NLGN4Y: variants seen among roughly 807,000 people sequenced by gnomAD.
NLGN4Y encodes neuroligin 4 Y-linked.
Under a neutral mutation model 8.4 loss-of-function variants are expected in NLGN4Y, and 4 were observed. That is an observed-to-expected ratio of 0.48 (90% confidence interval 0.23 to 1.09). The LOEUF (loss-of-function observed/expected upper bound fraction) is 1.09. NLGN4Y is among the 50% of genes least tolerant of loss of function. The probability of loss-of-function intolerance (pLI) is 0.19; values close to 1 mark genes in which losing one functional copy is unlikely to be tolerated. For missense variants in NLGN4Y, 90 were observed against 192.3 expected (o/e 0.47, Z 3.15); for synonymous variants, 35 against 75.6 (o/e 0.46, Z 2.78).
At chrY:14,795,659 G>A (rs2043004285) in intron 4 of NLGN4Y, among the ~76,000 whole-genome samples, 1 of 33,416 alleles carries the variant, frequency 3.0e-5, no homozygotes, top group African/African-American at 1.2e-4. Context: ...TGTCTTTGAT[G>A]TAGTTAAAAA....
chrY:14,687,225 AG>A (rs2080794185), intron 2 of NLGN4Y, among the ~76,000 whole-genome samples: 1 of 32,957 alleles, frequency 3.0e-5, no homozygotes, highest in Non-Finnish European at 7.5e-5. Context: ...CAATGAAAAC[AG>A]AATGTGGCAG....
chrY:14,787,560 C>A, intron 4 of NLGN4Y, among the ~76,000 whole-genome samples: 1 of 33,013 alleles, frequency 3.0e-5, no homozygotes, highest in Non-Finnish European at 7.4e-5. Flanking sequence ...GTTAGGGAAG[C>A]CTGCTACTCC....
intron 2 of NLGN4Y, among the ~76,000 whole-genome samples, chrY:14,694,173 A>G: frequency 5.9e-5 from 2 of 33,871 alleles, no homozygotes; most frequent in Admixed American, 2.7e-4. Context: ...TGCAACATAC[A>G]TGATGATGCA....
At chrY:14,530,932 A>G in intron 1 of NLGN4Y, among the ~76,000 whole-genome samples, 2 of 35,017 alleles carry the variant, frequency 5.7e-5, no homozygotes, top group East Asian at 1.5e-3. Context: ...TTTGAACTCA[A>G]ATTTAATGTG....
At chrY:14,614,537 C>G in intron 1 of NLGN4Y, among the ~76,000 whole-genome samples, 1 of 32,932 alleles carries the variant, frequency 3.0e-5, no homozygotes, top group Non-Finnish European at 7.5e-5. Flanking sequence ...ATGGCATTGT[C>G]TAGGATTCTT....
intron 1 of NLGN4Y, among the ~76,000 whole-genome samples, chrY:14,550,747 T>C (rs2080190042): frequency 5.8e-5 from 2 of 34,309 alleles, no homozygotes; most frequent in Non-Finnish European, 1.5e-4. Flanking sequence ...AAAGATCCAC[T>C]GTTAGTCTGA....
intron 1 of NLGN4Y, among the ~76,000 whole-genome samples, chrY:14,614,826 G>A (rs749601109): frequency 3.0e-4 from 10 of 33,205 alleles, no homozygotes; most frequent in African/African-American, 9.4e-4. Flanking sequence ...TGCCATTTTG[G>A]TTACTGTAGG....
At chrY:14,727,663 T>C in intron 4 of NLGN4Y, among the ~76,000 whole-genome samples, 8 of 33,176 alleles carry the variant, frequency 2.4e-4, no homozygotes, top group Admixed American at 2.2e-3. Context: ...CAAATCACCA[T>C]AGAACCTAAA....
intron 1 of NLGN4Y, among the ~76,000 whole-genome samples, chrY:14,571,778 G>C (rs2150480577): frequency 3.2e-5 from 1 of 31,650 alleles, no homozygotes; most frequent in East Asian, 8.3e-4. Flanking sequence ...TTTTGTATAA[G>C]GTATAAGGAA....
At chrY:14,714,715 T>C (rs2080910063) in intron 2 of NLGN4Y, among the ~76,000 whole-genome samples, 1 of 33,434 alleles carries the variant, frequency 3.0e-5, no homozygotes, top group Non-Finnish European at 7.4e-5. Context: ...GACATAGGCA[T>C]GGGCAAACGC....
chrY:14,702,941 T>C (rs1183221016), intron 2 of NLGN4Y, among the ~76,000 whole-genome samples: 3 of 34,057 alleles, frequency 8.8e-5, no homozygotes, highest in Non-Finnish European at 7.3e-5. Context: ...CATGTGTCTG[T>C]TGGCTGCATA....
At chrY:14,636,868 G>C in intron 2 of NLGN4Y, among the ~76,000 whole-genome samples, 2 of 33,358 alleles carry the variant, frequency 6.0e-5, no homozygotes, top group Non-Finnish European at 1.5e-4. Context: ...TTAAGTTCTA[G>C]AAGTTGAATT....
intron 3 of NLGN4Y, among the ~76,000 whole-genome samples, chrY:14,721,072 A>G (rs748048622): frequency 5.9e-5 from 2 of 34,008 alleles, no homozygotes; most frequent in African/African-American, 2.3e-4. Flanking sequence ...AATGCCATCT[A>G]ATTTTCTCTT....
At chrY:14,729,253 A>G (rs2080964257) in intron 4 of NLGN4Y, among the ~76,000 whole-genome samples, 2 of 33,606 alleles carry the variant, frequency 6.0e-5, no homozygotes, top group Non-Finnish European at 1.5e-4. Flanking sequence ...CCATTTTATG[A>G]TAGACCACAT....
Position 14,622,412 on chromosome Y carries a change from C to T in NLGN4Y, c.293C>T (p.Thr98Ile). 2 of 399,420 alleles carry T rather than the reference C, an allele frequency of 5.0e-6. No individual in the cohort carries two copies. The highest frequency in any genetic ancestry group is 7.0e-6 in the Non-Finnish European group (2 of 283,814). ...CCACCAGAATCCCCATCCTCCTGGACTGGCATCCGAAATGCTACTCAGTTT... is the reference window on the plus strand; with the variant it reads ...CCACCAGAATCCCCATCCTCCTGGATTGGCATCCGAAATGCTACTCAGTTT... ...FQPPESPSSW[T>I]GIRNATQFSA... Residue 98 changes from threonine (T) to isoleucine (I), a missense_variant, in exon 2 of 7, where the codon ACT becomes ATT. Physicochemically the swap from Thr to Ile is moderately conservative, Grantham distance 89. This residue lies in a region of NLGN4Y where 37 missense variants were observed against 38.5 expected (regional missense o/e 0.96). Transcript: ENST00000684976.
chrY:14,778,171 G>A, intron 4 of NLGN4Y, among the ~76,000 whole-genome samples: 1 of 33,097 alleles, frequency 3.0e-5, no homozygotes, highest in Non-Finnish European at 7.4e-5. Flanking sequence ...AAAATTGAGG[G>A]GAAAATAGCA....
chrY:14,551,283 A>G (rs2080191759), intron 1 of NLGN4Y, among the ~76,000 whole-genome samples: 1 of 33,372 alleles, frequency 3.0e-5, no homozygotes, highest in Admixed American at 2.7e-4. Context: ...ATCTAGATTC[A>G]TAAAGCAAGT....
intron 2 of NLGN4Y, among the ~76,000 whole-genome samples, chrY:14,704,905 G>A: frequency 1.5e-4 from 5 of 33,004 alleles, no homozygotes; most frequent in Non-Finnish European, 3.0e-4. Context: ...TGTATGTGTC[G>A]AGGAATTTAT....
intron 2 of NLGN4Y, among the ~76,000 whole-genome samples, chrY:14,698,959 G>A: frequency 3.1e-5 from 1 of 32,766 alleles, no homozygotes; most frequent in Non-Finnish European, 7.6e-5. Context: ...TAACTACAGG[G>A]TTATAGAATA....
Sources: gnomAD v4.1 joint callset for allele counts (sites outside exome capture counted in the v4.1 genomes callset) on GRCh38, gnomAD v4.1.1 for gene constraint, gnomAD v4.1.1 regional missense constraint, MANE v1.5 for transcripts, NCBI Gene and HGNC (gene_info 2026-07-23, HGNC 2026-07-21) for gene names.